BTNL9: variants seen among roughly 807,000 people sequenced by gnomAD.
BTNL9 encodes the protein butyrophilin like 9.
Under a neutral mutation model 45.8 loss-of-function variants are expected in BTNL9, and 45 were observed. That is an observed-to-expected ratio of 0.98 (90% confidence interval 0.77 to 1.26). The LOEUF (loss-of-function observed/expected upper bound fraction) is 1.26. BTNL9 is among the 50% of genes most tolerant of loss of function. The pLI is 0.00. For synonymous variants in BTNL9, 346 were observed against 330.8 expected (o/e 1.05, Z -0.50); for missense variants, 784 against 729.7 (o/e 1.07, Z -0.86).
chr5:181,043,628 C>T (rs1760924769), intron 1 of BTNL9: 1 of 152,350 alleles, frequency 6.6e-6, no homozygotes, highest in Admixed American at 6.5e-5. Context: ...CTGAGCCCCT[C>T]TTGGTTTTGG....
At chr5:181,046,562 A>G (rs2113171169) in intron 2 of BTNL9, among the ~76,000 whole-genome samples, 1 of 152,320 alleles carries the variant, frequency 6.6e-6, no homozygotes. Flanking sequence ...GGAAACCAGG[A>G]ATACCAAGGT....
In BTNL9 at chr5:181,059,639, T is replaced by C. The variant is rs549176677; in HGVS notation, c.1385T>C (p.Phe462Ser). ...GACTACGAGGCCGGAGAGCTGTCCT[T>C]CTTCAACGTGTCCGACGGCTCCCAC... Reference protein sequence around the residue: ...FLDYEAGELSFFNVSDGSHIF... With the variant: ...FLDYEAGELSSFNVSDGSHIF... The change falls in exon 11 of 11, where the codon TTC becomes TCC. Residue 462 changes from phenylalanine (F) to serine (S), a missense_variant. Transcript: ENST00000327705. The C allele has an allele frequency of 1.0e-4, 167 of 1,613,516 alleles. 2 individuals are homozygous for C. In the South Asian group the frequency reaches 1.4e-3, roughly 14 times the overall value.
At chr5:181,058,588 A>C (rs1259858515) in intron 10 of BTNL9, among the ~76,000 whole-genome samples, 1 of 152,042 alleles carries the variant, frequency 6.6e-6, no homozygotes, top group Non-Finnish European at 1.5e-5. Context: ...GAGCTCCCAA[A>C]CACATCGCTC....
In BTNL9 at chr5:181,053,748, G is replaced by A. The variant is rs1761713270; in HGVS notation, c.886+247G>A. 1 of 1,514,288 alleles carries A rather than the reference G, an allele frequency of 6.6e-7. No homozygotes were observed. 93.8% of individuals were successfully genotyped at this position (1,514,288 alleles called of 1,614,324 possible). A position where few individuals can be genotyped will look rare whatever the true frequency, so the allele number is the denominator to read the frequency against. ...CAGATGTCAGGGTTGACCGGCTGCT[G>A]TCGTTACGCCCTCGGAGCTTCACAT... is the stretch of plus-strand genomic sequence containing the variant. On this transcript the variant is annotated intron_variant, in intron 6 of 10. Coordinates refer to ENST00000327705, the MANE Select transcript of BTNL9 (RefSeq NM_152547.5). The surrounding 1 kb of genome is among the most constrained non-coding windows in gnomAD (Gnocchi z 6.5).
chr5:181,059,935 C>T lies in BTNL9; in HGVS notation c.*73C>T. The T allele has an allele frequency of 7.5e-7, 1 of 1,340,888 alleles. No homozygotes were observed. Among genetic ancestry groups the T allele is most frequent in the Non-Finnish European group, 9.9e-7 (1 of 1,007,194 alleles). 83.1% of individuals were successfully genotyped at this position (1,340,888 alleles called of 1,614,324 possible). ...CAGGCCAGCGCTTTGCTCTCCTGCT[C>T]CGTCTGAAGGGAGCAGGTGCACCAG... On this transcript the variant is annotated 3_prime_UTR_variant, in exon 11 of 11. Transcript: ENST00000327705.
Position 181,055,350 on chromosome 5 carries a change from G to T in BTNL9, c.908-83G>T. The T allele has an allele frequency of 6.2e-7, 1 of 1,611,772 alleles. No homozygotes were observed. The highest frequency in any genetic ancestry group is 8.5e-7 in the Non-Finnish European group (1 of 1,179,232). On this transcript the variant is annotated intron_variant, in intron 7 of 10. Transcript: ENST00000327705. This position sits in a 1 kb window ranked among gnomAD's most constrained non-coding sequence, Gnocchi z 4.4. ...TGATTAGCAGTGGCTTAAGACTAAG[G>T]AAGCTCTTCCCAGTGGCCTGTCTTG... is the stretch of plus-strand genomic sequence containing the variant.
At chr5:181,046,323 A>G (rs1338737496) in intron 2 of BTNL9, among the ~76,000 whole-genome samples, 1 of 151,442 alleles carries the variant, frequency 6.6e-6, no homozygotes, top group African/African-American at 2.4e-5. Flanking sequence ...TTCCTCCACC[A>G]TCTCTCCAGC....
chr5:181,050,648 G>A lies in BTNL9; in HGVS notation c.736+279G>A, dbSNP rs1024852040. On this transcript the variant is annotated intron_variant, in intron 4 of 10. Transcript: ENST00000327705. The surrounding 1 kb of genome is among the most constrained non-coding windows in gnomAD (Gnocchi z 4.9). ...AACTCTGCTCATCAGAGGCATCATGGGAGCCAATAGATTCGTAATGCTGTC... is the reference window on the plus strand; with the variant it reads ...AACTCTGCTCATCAGAGGCATCATGAGAGCCAATAGATTCGTAATGCTGTC... 2.6e-5 allele frequency among the ~76,000 whole-genome samples: 4 copies of A among 152,162 alleles called. No individual in the cohort carries two copies. Among genetic ancestry groups the A allele is most frequent in the African/African-American group, 4.8e-5 (2 of 41,428 alleles).
At position 181,059,664 on chromosome 5, in the gene BTNL9, C is replaced by T. The variant is rs923064714; in HGVS notation, c.1410C>T (p.His470=). ...TCTTCAACGTGTCCGACGGCTCCCA[C>T]ATCTTCACCTTCCACGACACCTTCT... ...LSFFNVSDGS[H]IFTFHDTFSG... Residue 470 remains histidine, a synonymous_variant, in exon 11 of 11, where the codon CAC becomes CAT. Coordinates refer to ENST00000327705, the MANE Select transcript of BTNL9 (RefSeq NM_152547.5). The T allele has an allele frequency of 6.2e-7, 1 of 1,613,686 alleles. No individual in the cohort carries two copies. Among genetic ancestry groups the T allele is most frequent in the Non-Finnish European group, 8.5e-7 (1 of 1,179,950 alleles).
At chr5:181,058,431 A>G in intron 10 of BTNL9, 53 bp downstream of exon 10, 2 of 1,612,868 alleles carry the variant, frequency 1.2e-6, no homozygotes, top group African/African-American at 2.7e-5. Flanking sequence ...GATCTTAAAC[A>G]GAAGGGAGGT....
At position 181,050,150 on chromosome 5, in the gene BTNL9, C is replaced by T; in HGVS notation, c.517C>T (p.Leu173Phe). ...GFKEGGIQLRLRSSGWYPKPK... is the reference protein window; with the variant it reads ...GFKEGGIQLRFRSSGWYPKPK... ...CAAGGAAGGAGGCATTCAGCTGAGG[C>T]TCAGATCCAGTGGCTGGTACCCCAA... Residue 173 changes from leucine to phenylalanine, a missense_variant, in exon 4 of 11, where the codon CTC (leucine) becomes TTC (phenylalanine). By Grantham distance (22) the Leu-to-Phe change is conservative. Coordinates refer to ENST00000327705, the MANE Select transcript of BTNL9 (RefSeq NM_152547.5). The surrounding 1 kb of genome is among the most constrained non-coding windows in gnomAD (Gnocchi z 4.9). 6.2e-7 allele frequency: 1 copy of T among 1,614,140 alleles called. No homozygotes were observed. The highest frequency in any genetic ancestry group is 1.1e-5 in the South Asian group (1 of 91,086).
In BTNL9 at chr5:181,045,719, C is replaced by T. The variant is rs142802069; in HGVS notation, c.109+121C>T. Reference sequence around the variant, plus strand: ...GCCAGACGCTAAAATACAAAAAAGACTTCCATCCTGGTTGTTAAAGAGCCA... The same window carrying T: ...GCCAGACGCTAAAATACAAAAAAGATTTCCATCCTGGTTGTTAAAGAGCCA... On this transcript the variant is annotated intron_variant, in intron 2 of 10. Transcript: ENST00000327705. 1,491 of 769,006 alleles carry T rather than the reference C, an allele frequency of 1.9e-3. 20 individuals are homozygous for T. The African/African-American group carries it at 0.021, about 11-fold the overall frequency. 47.6% of individuals were successfully genotyped at this position (769,006 alleles called of 1,614,324 possible). A position where few individuals can be genotyped will look rare whatever the true frequency, so the allele number is the denominator to read the frequency against.
rs1760714787 is a variant in BTNL9 at position 181,040,366 on chromosome 5, C to T, written c.-90C>T. 1 of 152,354 alleles carries T rather than the reference C, an allele frequency of 6.6e-6. No homozygotes were observed. Among genetic ancestry groups the T allele is most frequent in the South Asian group, 2.1e-4 (1 of 4,828 alleles). 9.4% of individuals were successfully genotyped at this position (152,354 alleles called of 1,614,324 possible). A position where few individuals can be genotyped will look rare whatever the true frequency, so the allele number is the denominator to read the frequency against. ...AAGACACTTTACAGCAATCATCACC[C>T]TTTGCAGAGGAGGTGAGCTCACCAG... On this transcript the variant is annotated 5_prime_UTR_variant, in exon 1 of 11. Transcript: ENST00000327705.
Position 181,053,308 on chromosome 5 carries a change from G to T in BTNL9, c.845G>T (p.Arg282Ile). Reference sequence around the variant, plus strand: ...CTGGGCGTCCTCCGGAAGCAGCGGAGAAGCCGAGGTACCGGCGCGGGCGGC... The same window carrying T: ...CTGGGCGTCCTCCGGAAGCAGCGGATAAGCCGAGGTACCGGCGCGGGCGGC... ...LALGVLRKQRRSREKLRKQAE... is the reference protein window; with the variant it reads ...LALGVLRKQRISREKLRKQAE... The change falls in exon 5 of 11, where the codon AGA (arginine) becomes ATA (isoleucine). Residue 282 changes from arginine (R) to isoleucine (I), a missense_variant. By Grantham distance (97) the Arg-to-Ile change is moderately conservative. Transcript: ENST00000327705. The surrounding 1 kb of genome is among the most constrained non-coding windows in gnomAD (Gnocchi z 6.5). 6.4e-7 allele frequency: 1 copy of T among 1,568,268 alleles called. No homozygotes were observed. The highest frequency in any genetic ancestry group is 8.6e-7 in the Non-Finnish European group (1 of 1,159,590).
Position 181,052,921 on chromosome 5 carries a change from G to A in BTNL9, c.737-279G>A, listed in dbSNP as rs373142346. On this transcript the variant is annotated intron_variant, in intron 4 of 10. Coordinates refer to ENST00000327705, the MANE Select transcript of BTNL9 (RefSeq NM_152547.5). The stretch of plus-strand genomic sequence containing the variant: ...GGACGCGGGGCGAGGGCGGGAAGAC[G>A]CGGGGCGAGGGCGGCGCTGCGGCCG... The A allele has an allele frequency of 5.9e-5, 9 of 152,238 alleles. No individual in the cohort carries two copies. The East Asian group carries it at 9.7e-4, about 16-fold the overall frequency. 9.4% of individuals were successfully genotyped at this position (152,238 alleles called of 1,614,324 possible).
At position 181,060,326 on chromosome 5, in the gene BTNL9, C is replaced by T. The variant is rs908585958; in HGVS notation, c.*464C>T. 2 of 153,942 alleles carry T rather than the reference C, an allele frequency of 1.3e-5. No individual in the cohort carries two copies. Among genetic ancestry groups the T allele is most frequent in the African/African-American group, 4.8e-5 (2 of 41,538 alleles). 9.5% of individuals were successfully genotyped at this position (153,942 alleles called of 1,614,324 possible). On this transcript the variant is annotated 3_prime_UTR_variant, in exon 11 of 11. Transcript: ENST00000327705. ...AGGCTCAGATCCTAGTTTTAAAAAC[C>T]ATTTCCCATTAAAATGAAGTTGGAG...
At chr5:181,043,218 CTGTG>C (rs1373821115) in intron 1 of BTNL9, among the ~76,000 whole-genome samples, 4 of 34,368 alleles carry the variant, frequency 1.2e-4, no homozygotes, top group African/African-American at 3.1e-4. Context: ...GTGTGTGCAT[CTGTG>C]TGTGTGTCTA....
At position 181,050,665 on chromosome 5, in the gene BTNL9, A is replaced by G. The variant is rs1761483933; in HGVS notation, c.736+296A>G. 6.6e-6 allele frequency among the ~76,000 whole-genome samples: 1 copy of G among 152,176 alleles called. No individual in the cohort carries two copies. The highest frequency in any genetic ancestry group is 1.5e-5 in the Non-Finnish European group (1 of 68,036). ...GCATCATGGGAGCCAATAGATTCGTAATGCTGTCTCTCAAACAGTATGTAT... is the reference window on the plus strand; with the variant it reads ...GCATCATGGGAGCCAATAGATTCGTGATGCTGTCTCTCAAACAGTATGTAT... On this transcript the variant is annotated intron_variant, in intron 4 of 10. Transcript: ENST00000327705. The surrounding 1 kb of genome is among the most constrained non-coding windows in gnomAD (Gnocchi z 4.9).
At position 181,057,385 on chromosome 5, in the gene BTNL9, A is replaced by G. The variant is rs564640554; in HGVS notation, c.956-967A>G. ...AGAATCCTGTGATTTTTCTCCATAT[A>G]GTCAGTTGGGCTTACCAACGCCATT... On this transcript the variant is annotated intron_variant, in intron 9 of 10. Transcript: ENST00000327705. 3.3e-5 allele frequency among the ~76,000 whole-genome samples: 5 copies of G among 152,262 alleles called. No individual in the cohort carries two copies. The South Asian group carries it at 1.0e-3, about 32-fold the overall frequency.
Sources: allele counts gnomAD v4.1 joint callset (sites outside exome capture counted in the v4.1 genomes callset), GRCh38; gene constraint gnomAD v4.1.1; non-coding constraint Gnocchi (gnomAD v3.1); transcripts MANE v1.5; gene names NCBI Gene and HGNC (gene_info 2026-07-23, HGNC 2026-07-21).